The following EPHB1 variants were observed in gnomAD, a reference collection of about 807,000 sequenced individuals.
EPHB1 encodes the protein EPH receptor B1, also known as ephrin type-B receptor 1.
EPHB1 carries 30 observed loss-of-function variants against 94.4 expected under a neutral mutation model. The ratio of observed to expected loss-of-function variants is 0.32; its 90% CI spans 0.24 to 0.43. The LOEUF is 0.43. EPHB1 is among the 20% of genes least tolerant of loss of function. EPHB1 has a pLI of 1.00. For synonymous variants in EPHB1, 522 were observed against 489.1 expected (o/e 1.07, Z -0.89); for missense variants, 1,055 against 1,308.3 (o/e 0.81, Z 2.99).
At chr3:135,118,303 G>A (rs143959971) in intron 4 of EPHB1, among the ~76,000 whole-genome samples, 41 of 152,274 alleles carry the variant, frequency 2.7e-4, no homozygotes, top group African/African-American at 8.9e-4. Flanking sequence ...TAGCTGATTG[G>A]AATAAGAACA....
intron 12 of EPHB1, among the ~76,000 whole-genome samples, chr3:135,236,516 T>C (rs941262665): frequency 2.0e-5 from 3 of 152,220 alleles, no homozygotes; most frequent in Non-Finnish European, 4.4e-5. Flanking sequence ...TGTTTAATGA[T>C]AATAAGAATA....
At chr3:134,836,830 A>G (rs534727982) in intron 1 of EPHB1, among the ~76,000 whole-genome samples, 1 of 152,356 alleles carries the variant, frequency 6.6e-6, no homozygotes, top group East Asian at 1.9e-4. Context: ...ACCGGAAAAG[A>G]AATAGGAGCT....
chr3:135,043,722 A>C (rs1936919482), intron 3 of EPHB1, among the ~76,000 whole-genome samples: 1 of 152,242 alleles, frequency 6.6e-6, no homozygotes. Flanking sequence ...CTTTAGCGGA[A>C]GACTCTTGCA....
At chr3:134,991,065 T>C (rs551561275) in intron 3 of EPHB1, among the ~76,000 whole-genome samples, 15 of 152,338 alleles carry the variant, frequency 9.8e-5, no homozygotes, top group African/African-American at 3.4e-4. Context: ...TTCTTTCTTG[T>C]TTTTTCTAAG....
intron 1 of EPHB1, among the ~76,000 whole-genome samples, chr3:134,848,091 G>T (rs867159740): frequency 1.3e-5 from 2 of 152,194 alleles, no homozygotes; most frequent in African/African-American, 4.8e-5. Flanking sequence ...CACATTCATA[G>T]TGGAGACTAA....
chr3:135,161,898 C>A, intron 6 of EPHB1, 120 bp from the exon 7 acceptor site: 1 of 1,112,510 alleles, frequency 9.0e-7, no homozygotes, highest in Non-Finnish European at 1.3e-6. Context: ...GAGCTGATGA[C>A]AACTGCTAGC....
rs898283056 is a variant in EPHB1 at position 135,255,049 on chromosome 3, G to A, written c.2847-3963G>A. 2.6e-5 allele frequency among the ~76,000 whole-genome samples: 4 copies of A among 152,266 alleles called. No individual in the cohort carries two copies. In the South Asian group the frequency reaches 6.2e-4, roughly 24 times the overall value. On this transcript the variant is annotated intron_variant, in intron 15 of 15. Coordinates refer to ENST00000398015, the MANE Select transcript of EPHB1 (RefSeq NM_004441.5). ...CTGATGGTAGTTTGTATTTCTGTGG[G>A]ATCGGTGGTGATATCCCCTTTATCA... is the stretch of plus-strand genomic sequence containing the variant.
intron 1 of EPHB1, among the ~76,000 whole-genome samples, chr3:134,910,354 C>T (rs1388436225): frequency 2.0e-5 from 3 of 152,134 alleles, no homozygotes; most frequent in Admixed American, 1.3e-4. Context: ...CAGGACACCT[C>T]GAAGGCCAGC....
intron 1 of EPHB1, 126 bp downstream of exon 1, chr3:134,795,815 G>T (rs2035813228): frequency 2.8e-6 from 3 of 1,072,920 alleles, no homozygotes; most frequent in Non-Finnish European, 4.2e-6. Context: ...CGAGGGCAAG[G>T]AGGTTTGGGA....
chr3:134,925,672 G>A, intron 1 of EPHB1, 144 bp from the exon 2 acceptor site: 1 of 625,830 alleles, frequency 1.6e-6, no homozygotes, highest in East Asian at 3.1e-5. Flanking sequence ...GCTTCACAGA[G>A]AGACCTGGGC....
chr3:134,987,170 T>G (rs1934630544), intron 3 of EPHB1, among the ~76,000 whole-genome samples: 1 of 152,084 alleles, frequency 6.6e-6, no homozygotes, highest in Non-Finnish European at 1.5e-5. Context: ...ATAATAATAA[T>G]AATTACTAAC....
chr3:135,158,550 A>G (rs920351991), intron 6 of EPHB1, among the ~76,000 whole-genome samples: 4 of 152,140 alleles, frequency 2.6e-5, no homozygotes, highest in Non-Finnish European at 4.4e-5. Context: ...CCTGCTCCAC[A>G]TAACCCTTGG....
intron 1 of EPHB1, among the ~76,000 whole-genome samples, chr3:134,875,241 G>T (rs1386874786): frequency 6.6e-6 from 1 of 152,192 alleles, no homozygotes. Context: ...GCCAAGTGTT[G>T]TCCCTGATCT....
chr3:135,138,659 T>G (rs1285333141), intron 5 of EPHB1, among the ~76,000 whole-genome samples: 1 of 152,148 alleles, frequency 6.6e-6, no homozygotes, highest in Non-Finnish European at 1.5e-5. Context: ...GAGAAAAGAT[T>G]GAGTGAGAAC....
At chr3:134,973,570 T>C (rs577609790) in intron 3 of EPHB1, among the ~76,000 whole-genome samples, 2 of 151,878 alleles carry the variant, frequency 1.3e-5, no homozygotes, top group East Asian at 3.9e-4. Flanking sequence ...TAGCCGGGAT[T>C]ACAGGCATGC....
rs1103063 is a variant in EPHB1, at chr3:135,003,334, C to T, written c.805+51282C>T. Among the ~76,000 whole-genome samples the T allele has an allele frequency of 6.3e-3, 917 of 145,520 alleles. 9 individuals are homozygous for T. The highest frequency in any genetic ancestry group is 0.024 in the African/African-American group (845 of 35,808). On this transcript the variant is annotated intron_variant, in intron 3 of 15. Transcript: ENST00000398015. Reference sequence around the variant, plus strand: ...CTGTGGTCTGAGAGATAGTTTGTTACAATTTCTGTTCTTTTACCTTTGCTG... The same window carrying T: ...CTGTGGTCTGAGAGATAGTTTGTTATAATTTCTGTTCTTTTACCTTTGCTG...
At chr3:135,179,073 A>G (rs1942074652) in intron 9 of EPHB1, among the ~76,000 whole-genome samples, 1 of 151,888 alleles carries the variant, frequency 6.6e-6, no homozygotes, top group Non-Finnish European at 1.5e-5. Flanking sequence ...TGCAGTGACA[A>G]TTCTCTACTT....
intron 1 of EPHB1, among the ~76,000 whole-genome samples, chr3:134,893,072 C>A (rs569989174): frequency 2.6e-5 from 4 of 152,268 alleles, no homozygotes; most frequent in African/African-American, 9.6e-5. Flanking sequence ...ATCTGAGAAC[C>A]AATTCAGTTA....
intron 3 of EPHB1, among the ~76,000 whole-genome samples, chr3:135,003,001 C>T (rs900219171): frequency 1.3e-5 from 2 of 152,336 alleles, no homozygotes; most frequent in South Asian, 2.1e-4. Flanking sequence ...CTTCTACTAG[C>T]TCTTGAATGT....
Sources: allele counts gnomAD v4.1 joint callset (sites outside exome capture counted in the v4.1 genomes callset), GRCh38; gene constraint gnomAD v4.1.1; transcripts MANE v1.5; gene names NCBI Gene and HGNC (gene_info 2026-07-23, HGNC 2026-07-21).